Variants in LMLN observed in about 807,000 individuals in gnomAD.
The protein encoded by LMLN is leishmanolysin-like peptidase.
LMLN carries 70 observed loss-of-function variants against 92.3 expected under a neutral mutation model. The observed-to-expected ratio is 0.76, with a 90% CI of 0.63 to 0.92. The LOEUF (loss-of-function observed/expected upper bound fraction) is 0.92. Among genes scored for constraint, LMLN ranks in the 40% least tolerant of loss-of-function variants. The pLI is 0.00. For missense variants in LMLN, 691 were observed against 814.6 expected (o/e 0.85, Z 1.85); for synonymous variants, 308 against 296.2 (o/e 1.04, Z -0.41).
chr3:198,011,220 C>T (rs1036008663), intron 11 of LMLN, among the ~76,000 whole-genome samples: 3 of 152,060 alleles, frequency 2.0e-5, no homozygotes, highest in South Asian at 2.1e-4. Flanking sequence ...TGTGCTGCAC[C>T]CATTAACTTG....
intron 14 of LMLN, among the ~76,000 whole-genome samples, chr3:198,029,777 T>A (rs1723029559): frequency 6.6e-6 from 1 of 152,156 alleles, no homozygotes; most frequent in Non-Finnish European, 1.5e-5. Context: ...CAATTCTTAG[T>A]TGTTGTTTTG....
chr3:198,029,259 T>C (rs1231905772), intron 14 of LMLN, among the ~76,000 whole-genome samples: 2 of 152,250 alleles, frequency 1.3e-5, no homozygotes, highest in Non-Finnish European at 2.9e-5. Context: ...CTTCACAGTT[T>C]CCTAACTAAT....
chr3:197,985,390 T>TACACAC (rs142039210), intron 7 of LMLN, among the ~76,000 whole-genome samples: 1,702 of 142,448 alleles, frequency 0.012, 19 homozygotes, highest in African/African-American at 0.027. Context: ...TTTCATAATG[T>TACACAC]ACACACACAC....
At chr3:198,029,008 C>T (rs1168255928) in intron 14 of LMLN, among the ~76,000 whole-genome samples, 1 of 151,962 alleles carries the variant, frequency 6.6e-6, no homozygotes, top group South Asian at 2.1e-4. Context: ...GTACTTTGAT[C>T]ATTCTGAATT....
Position 198,016,160 on chromosome 3 carries a change from C to T in LMLN, c.1233-3093C>T, listed in dbSNP as rs544347255. On this transcript the variant is annotated intron_variant, in intron 11 of 15. Transcript: ENST00000330198. ...GAGCTGTGAGCATGCCACTGCACTC[C>T]AGTGTGGGTGACAGCAAGACCCTGT... 5.1e-5 allele frequency among the ~76,000 whole-genome samples: 7 copies of T among 138,352 alleles called. No homozygotes were observed. In the East Asian group the frequency reaches 1.5e-3, roughly 29 times the overall value. 90.8% of individuals were successfully genotyped at this position (138,352 alleles called of 152,430 possible).
chr3:197,983,028 T>C (rs2109869696), intron 6 of LMLN, among the ~76,000 whole-genome samples: 1 of 152,344 alleles, frequency 6.6e-6, no homozygotes, highest in South Asian at 2.1e-4. Flanking sequence ...GTTTTAAGCC[T>C]GGAAGTGAAA....
intron 10 of LMLN, among the ~76,000 whole-genome samples, chr3:197,998,273 A>G (rs1341176211): frequency 1.3e-5 from 2 of 152,256 alleles, no homozygotes; most frequent in Non-Finnish European, 2.9e-5. Flanking sequence ...GTTGCAGCTC[A>G]TATACATCAT....
chr3:198,009,588 AT>A (rs1722379653), intron 11 of LMLN, among the ~76,000 whole-genome samples: 1 of 152,184 alleles, frequency 6.6e-6, no homozygotes, highest in Non-Finnish European at 1.5e-5. Context: ...CCAGTGAAAC[AT>A]CTGGGCCTGG....
intron 15 of LMLN, among the ~76,000 whole-genome samples, chr3:198,036,454 A>G (rs573810244): frequency 2.4e-4 from 37 of 152,236 alleles, no homozygotes; most frequent in African/African-American, 8.4e-4. Flanking sequence ...AAGATACCGA[A>G]AAAAGGAATT....
intron 1 of LMLN, 124 bp downstream of exon 1, chr3:197,960,564 C>A: frequency 1.3e-6 from 1 of 779,356 alleles, no homozygotes; most frequent in Non-Finnish European, 2.0e-6. Context: ...CAGAGCCTGA[C>A]TCTTACAGGC....
intron 1 of LMLN, among the ~76,000 whole-genome samples, chr3:197,966,289 G>A (rs555613291): frequency 2.4e-4 from 36 of 152,064 alleles, no homozygotes; most frequent in South Asian, 2.1e-4. Flanking sequence ...TGATCCACCC[G>A]CCTCAGCCTC....
exon 6 of LMLN, chr3:197,980,442 A>T (rs746494396): frequency 6.2e-7 from 1 of 1,614,060 alleles, no homozygotes; most frequent in Admixed American, 1.7e-5. Flanking sequence ...CCACCGAGAG[A>T]TGCAGCCATG....
chr3:197,988,993 A>G (rs1323566943), intron 8 of LMLN, among the ~76,000 whole-genome samples: 2 of 152,130 alleles, frequency 1.3e-5, no homozygotes, highest in African/African-American at 4.8e-5. Flanking sequence ...TATGTAGTAT[A>G]TCTTTTTATC....
intron 5 of LMLN, among the ~76,000 whole-genome samples, chr3:197,979,702 G>A (rs1032661732): frequency 1.3e-5 from 2 of 152,076 alleles, no homozygotes; most frequent in Admixed American, 1.3e-4. Context: ...TGTAATCCCA[G>A]CTACTTGGGG....
chr3:197,983,010 C>G (rs1211102438), intron 6 of LMLN, among the ~76,000 whole-genome samples: 1 of 152,090 alleles, frequency 6.6e-6, no homozygotes, highest in South Asian at 2.1e-4. Flanking sequence ...GCAGGAAGCC[C>G]CTGAAGAGTT....
At chr3:198,008,876 A>G (rs1249180866) in intron 11 of LMLN, among the ~76,000 whole-genome samples, 6 of 152,114 alleles carry the variant, frequency 3.9e-5, no homozygotes, top group Non-Finnish European at 5.9e-5. Flanking sequence ...CTTTCTCTTG[A>G]GATTTCTTCT....
intron 1 of LMLN, among the ~76,000 whole-genome samples, chr3:197,968,248 C>T (rs986433877): frequency 7.9e-5 from 12 of 151,724 alleles, no homozygotes; most frequent in Admixed American, 2.0e-4. Context: ...GGGCGGATCA[C>T]GAGGTCAGGA....
At chr3:198,006,789 T>G (rs751626427) in intron 11 of LMLN, among the ~76,000 whole-genome samples, 26 of 152,148 alleles carry the variant, frequency 1.7e-4, no homozygotes, top group Non-Finnish European at 3.4e-4. Context: ...CTTGGCTCAC[T>G]GTAACCTCTG....
chr3:198,010,193 G>A (rs369020107), intron 11 of LMLN, among the ~76,000 whole-genome samples: 104 of 152,002 alleles, frequency 6.8e-4, no homozygotes, highest in African/African-American at 2.2e-3. Context: ...TCACTCTGTC[G>A]CCCAGGCTGG....
Sources: gnomAD v4.1 joint callset for allele counts (sites outside exome capture counted in the v4.1 genomes callset) on GRCh38, gnomAD v4.1.1 for gene constraint, MANE v1.5 for transcripts, NCBI Gene and HGNC (gene_info 2026-07-23, HGNC 2026-07-21) for gene names.